Variants in CCDC171 observed in about 807,000 individuals in gnomAD.
The protein encoded by CCDC171 is coiled-coil domain-containing protein 171.
CCDC171 carries 177 observed loss-of-function variants against 168.2 expected under a neutral mutation model. That is an observed-to-expected ratio of 1.05 (90% CI 0.93 to 1.19). The LOEUF (loss-of-function observed/expected upper bound fraction) is 1.19, where lower values mean the gene tolerates loss of function less well. Ranked by LOEUF, CCDC171 falls within the 50% of genes most tolerant of loss-of-function variation. The pLI, the probability that CCDC171 is intolerant of heterozygous loss-of-function variation, is 0.00. For missense variants in CCDC171, 1,991 were observed against 1,539.0 expected (o/e 1.29, Z -4.91); for synonymous variants, 687 against 540.8 (o/e 1.27, Z -3.75).
At chr9:15,850,744 C>T (rs2061089057) in intron 23 of CCDC171, among the ~76,000 whole-genome samples, 1 of 151,904 alleles carries the variant, frequency 6.6e-6, no homozygotes, top group Admixed American at 6.6e-5. Flanking sequence ...GCCCACCTGT[C>T]TTCGTGCCAG....
chr9:15,903,842 G>T (rs1283934015), intron 24 of CCDC171, among the ~76,000 whole-genome samples: 1 of 152,194 alleles, frequency 6.6e-6, no homozygotes, highest in Non-Finnish European at 1.5e-5. Flanking sequence ...GGACCTTATG[G>T]AGCTGAAAAC....
rs562616933 is a variant in CCDC171, at chr9:15,842,322, A to C, written c.3268-4380A>C. Among the ~76,000 whole-genome samples the C allele has an allele frequency of 3.9e-5, 6 of 152,168 alleles. No individual in the cohort carries two copies. In the South Asian group the frequency reaches 1.2e-3, roughly 32 times the overall value. On this transcript the variant is annotated intron_variant, in intron 21 of 25. Transcript: ENST00000380701. ...GCTATACTGTACCCTTATGAGAAAG[A>C]ACTATGTTGGGTGATTCGCTTGGCA...
intron 4 of CCDC171, among the ~76,000 whole-genome samples, chr9:15,585,341 A>C (rs1029809735): frequency 1.3e-5 from 2 of 152,230 alleles, no homozygotes; most frequent in African/African-American, 4.8e-5. Flanking sequence ...GGAAAAAGAC[A>C]TTCATTAACA....
chr9:15,751,663 C>G (rs534155886), intron 18 of CCDC171, among the ~76,000 whole-genome samples: 6 of 152,290 alleles, frequency 3.9e-5, no homozygotes, highest in Admixed American at 1.3e-4. Flanking sequence ...ATGGGGAAAG[C>G]ATTCCCTATT....
Position 15,626,693 on chromosome 9 carries a change from A to G in CCDC171, c.822+3280A>G, listed in dbSNP as rs1205809228. On this transcript the variant is annotated intron_variant, in intron 7 of 25. Transcript: ENST00000380701. ...TTGATCATGGTGGATAAGCTATTTG[A>G]TGTGCTGCTGGATTCAGTTTGCCAG... Among the ~76,000 whole-genome samples the G allele has an allele frequency of 2.0e-5, 3 of 152,224 alleles. No individual in the cohort carries two copies. In the South Asian group the frequency reaches 6.2e-4, roughly 32 times the overall value.
At position 15,729,625 on chromosome 9, in the gene CCDC171, T is replaced by C. The variant is rs1015252826; in HGVS notation, c.1876T>C (p.Tyr626His). The C allele has an allele frequency of 5.6e-6, 9 of 1,611,758 alleles. No homozygotes were observed. Among genetic ancestry groups the C allele is most frequent in the African/African-American group, 1.3e-5 (1 of 74,782 alleles). The stretch of plus-strand genomic sequence containing the variant: ...CCCCGTATAGATAAGGCATCTAGAG[T>C]ATATCTGTAAAAACAAGTCTGACAC... ...RANEKIRHLE[Y>H]ICKNKSDTMR... Residue 626 changes from tyrosine (Y) to histidine (H), a missense_variant, in exon 16 of 26, where the codon TAT becomes CAT. By Grantham distance (83) the Tyr-to-His change is moderately conservative (BLOSUM62 2). Coordinates refer to ENST00000380701, the MANE Select transcript of CCDC171 (RefSeq NM_173550.4).
At chr9:15,759,517 T>C (rs1167635659) in intron 18 of CCDC171, among the ~76,000 whole-genome samples, 4 of 152,204 alleles carry the variant, frequency 2.6e-5, no homozygotes, top group Non-Finnish European at 4.4e-5. Context: ...AAGGATCTAG[T>C]TTAGAATTAT....
intron 25 of CCDC171, among the ~76,000 whole-genome samples, chr9:15,958,129 T>A (rs1366700701): frequency 6.6e-6 from 1 of 151,852 alleles, no homozygotes; most frequent in African/African-American, 2.4e-5. Flanking sequence ...CATTCATTCA[T>A]TCATTCATTC....
intron 23 of CCDC171, among the ~76,000 whole-genome samples, chr9:15,874,225 T>A (rs1380555601): frequency 6.6e-6 from 1 of 152,124 alleles, no homozygotes; most frequent in Non-Finnish European, 1.5e-5. Flanking sequence ...ATGTTTTTTC[T>A]TTTCTTCCTT....
intron 6 of CCDC171, among the ~76,000 whole-genome samples, chr9:15,612,886 A>G (rs1449116606): frequency 6.6e-6 from 1 of 152,066 alleles, no homozygotes; most frequent in Non-Finnish European, 1.5e-5. Flanking sequence ...GAACTTCTGT[A>G]TTTCTTAACA....
chr9:15,556,388 C>G (rs1330696446), intron 1 of CCDC171, among the ~76,000 whole-genome samples: 2 of 152,166 alleles, frequency 1.3e-5, no homozygotes, highest in Non-Finnish European at 2.9e-5. Context: ...TCTCCACATC[C>G]TCTCTAGCAC....
chr9:16,027,447 C>G (rs1833295425), intron 6 of CCDC171, among the ~76,000 whole-genome samples: 1 of 152,178 alleles, frequency 6.6e-6, no homozygotes, highest in South Asian at 2.1e-4. Flanking sequence ...AGTCTCAAAA[C>G]TATGCTGACT....
At chr9:15,840,634 C>T (rs2060639602) in intron 21 of CCDC171, among the ~76,000 whole-genome samples, 1 of 152,086 alleles carries the variant, frequency 6.6e-6, no homozygotes, top group Non-Finnish European at 1.5e-5. Flanking sequence ...ACTCAGTTTG[C>T]TTTATACTCA....
At chr9:15,976,116 G>A (rs973911246), downstream of CCDC171, among the ~76,000 whole-genome samples, 5 of 152,276 alleles carry the variant, frequency 3.3e-5, no homozygotes, top group Middle Eastern at 0.01. Context: ...TCTCCTCTCA[G>A]AGCCTCCAGG....
At chr9:15,893,492 C>T (rs1589024272) in intron 24 of CCDC171, among the ~76,000 whole-genome samples, 2 of 152,068 alleles carry the variant, frequency 1.3e-5, no homozygotes, top group Non-Finnish European at 1.5e-5. Context: ...TCAGATTGAG[C>T]AGACAACCTA....
At chr9:15,854,625 T>C (rs922559559) in intron 23 of CCDC171, among the ~76,000 whole-genome samples, 10 of 151,804 alleles carry the variant, frequency 6.6e-5, no homozygotes, top group Non-Finnish European at 4.4e-5. Context: ...TTCTGTTTGC[T>C]TTGGGTTTAG....
chr9:15,590,801 C>T (rs1406375322), intron 4 of CCDC171, among the ~76,000 whole-genome samples: 3 of 141,962 alleles, frequency 2.1e-5, no homozygotes, highest in East Asian at 2.0e-4. Context: ...TTCTTTCTTT[C>T]TTTCTTTCTT....
chr9:15,679,137 T>C (rs1587919723), intron 10 of CCDC171, among the ~76,000 whole-genome samples: 1 of 152,146 alleles, frequency 6.6e-6, no homozygotes, highest in African/African-American at 2.4e-5. Context: ...ATTATAGAAT[T>C]TTCAAAAATG....
In CCDC171 at chr9:15,728,021, C is replaced by G. The variant is rs183436513; in HGVS notation, c.1845C>G (p.Asn615Lys). The change falls in exon 15 of 26, where the codon AAC (asparagine) becomes AAG (lysine). Residue 615 changes from asparagine (N) to lysine (K), a missense_variant. Coordinates refer to ENST00000380701, the MANE Select transcript of CCDC171 (RefSeq NM_173550.4). ...TTGATGCCCTGATTGCAGACCTCAA[C>G]AGGGCTAATGAGAAGGTAACTGTCC... ...ENVDALIADL[N>K]RANEKIRHLE... is the part of the protein sequence containing the mutation. 3 of 1,612,010 alleles carry G rather than the reference C, an allele frequency of 1.9e-6. No homozygotes were observed. Among genetic ancestry groups the G allele is most frequent in the Non-Finnish European group, 2.5e-6 (3 of 1,179,014 alleles).
Sources: allele counts gnomAD v4.1 joint callset (sites outside exome capture counted in the v4.1 genomes callset), GRCh38; gene constraint gnomAD v4.1.1; transcripts MANE v1.5; gene names NCBI Gene and HGNC (gene_info 2026-07-23, HGNC 2026-07-21).